ARSI: variants seen among roughly 807,000 people sequenced by gnomAD.
ARSI encodes the protein arylsulfatase I.
A neutral mutation model predicts 42.1 loss-of-function variants in ARSI; 37 were observed. The ratio of observed to expected loss-of-function variants is 0.88; its 90% CI spans 0.68 to 1.16. The LOEUF (loss-of-function observed/expected upper bound fraction) is 1.16. Among genes scored for constraint, ARSI ranks in the 50% most tolerant of loss-of-function variants. The pLI is 0.00. For synonymous variants in ARSI, 305 were observed against 320.3 expected (o/e 0.95, Z 0.51); for missense variants, 725 against 790.1 (o/e 0.92, Z 0.99).
chr5:150,297,567 C>T lies in ARSI; in HGVS notation c.1357G>A (p.Glu453Lys). 1 of 1,611,114 alleles carries T rather than the reference C, an allele frequency of 6.2e-7. No individual in the cohort carries two copies. The highest frequency in any genetic ancestry group is 8.5e-7 in the Non-Finnish European group (1 of 1,178,952). ...GCCTGGCGGACACTGGCCATTCGTT[C>T]CAGGTTCCACCAGCTACCCGGGAAG... The part of the protein sequence containing the change: ...ATFPGSWWNL[E>K]RMASVRQAVW... Residue 453 changes from glutamate to lysine, a missense_variant, in exon 2 of 2, where the codon GAA becomes AAA. By Grantham distance (56) the Glu-to-Lys change is moderately conservative. Transcript: ENST00000328668. The surrounding 1 kb of genome is among the most constrained non-coding windows in gnomAD (Gnocchi z 7.0).
rs777249696 is a variant in ARSI, at chr5:150,298,415, G to A, written c.509C>T (p.Ser170Leu). 19 of 1,614,112 alleles carry A rather than the reference G, an allele frequency of 1.2e-5. No homozygotes were observed. Among genetic ancestry groups the A allele is most frequent in the African/African-American group, 4.0e-5 (3 of 74,932 alleles). The change falls in exon 2 of 2, where the codon TCG becomes TTG. Residue 170 changes from serine to leucine, a missense_variant. Physicochemically the swap from Ser to Leu is moderately radical, Grantham distance 145. Transcript: ENST00000328668. The stretch of plus-strand genomic sequence containing the variant: ...GTAATAGTCCACATTGCCCGTGAGC[G>A]AGCCCAGGAAGGTGTCGAAGCCCCG... ...TRRGFDTFLG[S>L]LTGNVDYYTY...
rs1448431925 is a variant in ARSI at position 150,297,438 on chromosome 5, T to C, written c.1486A>G (p.Asn496Asp). 1.9e-6 allele frequency: 3 copies of C among 1,609,734 alleles called. No homozygotes were observed. Among genetic ancestry groups the C allele is most frequent in the East Asian group, 2.2e-5 (1 of 44,828 alleles). Reference sequence around the variant, plus strand: ...TAGCGTACCGGGATGGCTGTGCGGTTATATTCGGCCAGGCGAGCCAGCAGG... The same window carrying C: ...TAGCGTACCGGGATGGCTGTGCGGTCATATTCGGCCAGGCGAGCCAGCAGG... Reference protein sequence around the residue: ...RTLLARLAEYNRTAIPVRYPA... With the variant: ...RTLLARLAEYDRTAIPVRYPA... Residue 496 changes from asparagine (N) to aspartate (D), a missense_variant, in exon 2 of 2, where the codon AAC (asparagine) becomes GAC (aspartate). By Grantham distance (23) the Asn-to-Asp change is conservative. Transcript: ENST00000328668. This position sits in a 1 kb window ranked among gnomAD's most constrained non-coding sequence, Gnocchi z 7.0.
rs1169420344 is a variant in ARSI at position 150,302,522 on chromosome 5, G to C, written c.-149C>G. ...CGGTCCAGTGTCTGGTCCGGGACTG[G>C]CTGCCGGACGGCTGGGCCGGATCTG... is the stretch of plus-strand genomic sequence containing the variant. On this transcript the variant is annotated 5_prime_UTR_variant, in exon 1 of 2. Transcript: ENST00000328668. This position sits in a 1 kb window ranked among gnomAD's most constrained non-coding sequence, Gnocchi z 6.1. 4.9e-5 allele frequency: 27 copies of C among 550,668 alleles called. No homozygotes were observed. The highest frequency in any genetic ancestry group is 5.9e-5 in the Non-Finnish European group (21 of 358,836). 34.1% of individuals were successfully genotyped at this position (550,668 alleles called of 1,614,324 possible). A position where few individuals can be genotyped will look rare whatever the true frequency, so the allele number is the denominator to read the frequency against.
At position 150,296,358 on chromosome 5, in the gene ARSI, CT is replaced by C. The variant is rs1458749313; in HGVS notation, c.*855del. 1 of 152,394 alleles carries C rather than the reference CT, an allele frequency of 6.6e-6. No homozygotes were observed. The highest frequency in any genetic ancestry group is 1.5e-5 in the Non-Finnish European group (1 of 68,160). The allele number at this position is 152,394 out of a possible 1,614,324, so 9.4% of individuals were successfully genotyped here. A position where few individuals can be genotyped will look rare whatever the true frequency, so the allele number is the denominator to read the frequency against. On this transcript the variant is annotated 3_prime_UTR_variant, in exon 2 of 2. Transcript: ENST00000328668. ...CATCCCTCACTTCCATGTTACGACACTTTAATCAAGTTCACAAGCTCCTCCA... is the reference window on the plus strand; with the variant it reads ...CATCCCTCACTTCCATGTTACGACACTTAATCAAGTTCACAAGCTCCTCCA...
rs199940216 is a variant in ARSI, at chr5:150,297,698, C to G, written c.1226G>C (p.Gly409Ala). 2 of 1,613,420 alleles carry G rather than the reference C, an allele frequency of 1.2e-6. No homozygotes were observed. Among genetic ancestry groups the G allele is most frequent in the East Asian group, 4.5e-5 (2 of 44,882 alleles). Reference sequence around the variant, plus strand: ...AGCCTGCACGGCGGTGTTCCAGATGCCAAAGCCGCCCTCCAGGGAGCCATG... The same window carrying G: ...AGCCTGCACGGCGGTGTTCCAGATGGCAAAGCCGCCCTCCAGGGAGCCATG... Reference protein sequence around the residue: ...AQHGSLEGGFGIWNTAVQAAI... With the variant: ...AQHGSLEGGFAIWNTAVQAAI... The change falls in exon 2 of 2, where the codon GGC (glycine) becomes GCC (alanine). Residue 409 changes from glycine to alanine, a missense_variant. Physicochemically the swap from Gly to Ala is moderately conservative, Grantham distance 60. Transcript: ENST00000328668. This position sits in a 1 kb window ranked among gnomAD's most constrained non-coding sequence, Gnocchi z 7.0.
Position 150,297,904 on chromosome 5 carries a change from T to C in ARSI, c.1020A>G (p.Thr340=), listed in dbSNP as rs1181448938. Residue 340 remains threonine (T), a synonymous_variant, in exon 2 of 2, where the codon ACA becomes ACG. Transcript: ENST00000328668. This position sits in a 1 kb window ranked among gnomAD's most constrained non-coding sequence, Gnocchi z 7.0. ...HSPLLKRKQR[T]SRALMHITDW... ...CAGTGATGTGCATCAGTGCCCGGCT[T>C]GTCCGTTGCTTTCGCTTGAGCAGGG... 1 of 1,612,074 alleles carries C rather than the reference T, an allele frequency of 6.2e-7. No homozygotes were observed.
chr5:150,297,374 C>G lies in ARSI; in HGVS notation c.1550G>C (p.Gly517Ala), dbSNP rs1046301462. The change falls in exon 2 of 2, where the codon GGG (glycine) becomes GCG (alanine). Residue 517 changes from glycine (G) to alanine (A), a missense_variant. Transcript: ENST00000328668. This position sits in a 1 kb window ranked among gnomAD's most constrained non-coding sequence, Gnocchi z 7.0. ...ACTGGCCCAGGGCCCCCAAGCACCC[C>G]CATTAAAGTCAGGATGAGCCCGGGG... is the stretch of plus-strand genomic sequence containing the variant. Reference protein sequence around the residue: ...ENPRAHPDFNGGAWGPWASDE... With the variant: ...ENPRAHPDFNAGAWGPWASDE... 1.2e-6 allele frequency: 2 copies of G among 1,611,570 alleles called. No homozygotes were observed. The highest frequency in any genetic ancestry group is 8.5e-7 in the Non-Finnish European group (1 of 1,178,814).
At chr5:150,299,356 TCTTA>T (rs1489364326) in intron 1 of ARSI, among the ~76,000 whole-genome samples, 2 of 152,226 alleles carry the variant, frequency 1.3e-5, no homozygotes, top group Non-Finnish European at 2.9e-5. Context: ...ACCATCGTTT[TCTTA>T]CTTGGCCGTG....
chr5:150,299,578 C>G (rs929771769), intron 1 of ARSI, among the ~76,000 whole-genome samples: 2 of 151,538 alleles, frequency 1.3e-5, no homozygotes, highest in Non-Finnish European at 2.9e-5. Context: ...TTAAAAAGGA[C>G]CTAAGGTCTT....
Position 150,297,675 on chromosome 5 carries a change from C to T in ARSI, c.1249G>A (p.Ala417Thr). The T allele has an allele frequency of 6.2e-7, 1 of 1,613,456 alleles. No individual in the cohort carries two copies. Among genetic ancestry groups the T allele is most frequent in the Non-Finnish European group, 8.5e-7 (1 of 1,180,024 alleles). The part of the protein sequence containing the change: ...GFGIWNTAVQ[A>T]AIRVGEWKLL... ...TTCCACTCACCCACGCGGATGGCAGCCTGCACGGCGGTGTTCCAGATGCCA... is the reference window on the plus strand; with the variant it reads ...TTCCACTCACCCACGCGGATGGCAGTCTGCACGGCGGTGTTCCAGATGCCA... Residue 417 changes from alanine (A) to threonine (T), a missense_variant, in exon 2 of 2, where the codon GCT (alanine) becomes ACT (threonine). Ala to Thr is a moderately conservative substitution (Grantham distance 58, BLOSUM62 0). Coordinates refer to ENST00000328668, the MANE Select transcript of ARSI (RefSeq NM_001012301.4). This position sits in a 1 kb window ranked among gnomAD's most constrained non-coding sequence, Gnocchi z 7.0.
rs1204713965 is a variant in ARSI, at chr5:150,302,427, TCG to T, written c.-56_-55del. 7.5e-7 allele frequency: 1 copy of T among 1,331,808 alleles called. No homozygotes were observed. Among genetic ancestry groups the T allele is most frequent in the African/African-American group, 1.6e-5 (1 of 64,108 alleles). 82.5% of individuals were successfully genotyped at this position (1,331,808 alleles called of 1,614,324 possible). On this transcript the variant is annotated 5_prime_UTR_variant, in exon 1 of 2. Transcript: ENST00000328668. This position sits in a 1 kb window ranked among gnomAD's most constrained non-coding sequence, Gnocchi z 6.1. ...GCCGGGCTCCTGGGGCCTCACCACC[TCG>T]CGCGCCCAGGGCGCACCACCGGCCC...
intron 1 of ARSI, among the ~76,000 whole-genome samples, chr5:150,299,977 C>T (rs147237004): frequency 6.6e-6 from 1 of 152,262 alleles, no homozygotes; most frequent in African/African-American, 2.4e-5. Flanking sequence ...TGGTGTCTTG[C>T]CTTTACTCAA....
Position 150,302,215 on chromosome 5 carries a change from G to T in ARSI, c.159C>A (p.Leu53=). ...CGTCGTGGTAGCCTTGGTCGTCCGT[G>T]AGGATGAAGATGATGTGGGGAGGCT... is the stretch of plus-strand genomic sequence containing the variant. ...PPQPPHIIFI[L]TDDQGYHDVG... Residue 53 remains leucine (L), a synonymous_variant, in exon 1 of 2, where the codon CTC becomes CTA. Transcript: ENST00000328668. The surrounding 1 kb of genome is among the most constrained non-coding windows in gnomAD (Gnocchi z 6.1). The T allele has an allele frequency of 6.2e-7, 1 of 1,613,856 alleles. No homozygotes were observed. Among genetic ancestry groups the T allele is most frequent in the Non-Finnish European group, 8.5e-7 (1 of 1,179,998 alleles).
rs1757936237 is a variant in ARSI, at chr5:150,302,355, AG to A, written c.18del (p.Phe7SerfsTer123). The A allele has an allele frequency of 6.5e-7, 1 of 1,530,458 alleles. No individual in the cohort carries two copies. Among genetic ancestry groups the A allele is most frequent in the Non-Finnish European group, 8.8e-7 (1 of 1,141,296 alleles). The allele number at this position is 1,530,458 out of a possible 1,614,324, so 94.8% of individuals were successfully genotyped here. On this transcript the variant is annotated frameshift_variant, in exon 1 of 2. Transcript: ENST00000328668. LOFTEE classifies it high-confidence loss of function. This position sits in a 1 kb window ranked among gnomAD's most constrained non-coding sequence, Gnocchi z 6.1. The stretch of plus-strand genomic sequence containing the variant: ...AAGCTGAGCAGGCTGACCAGGGAGA[AG>A]CCAGTGAGGGTGTGCATCGCCAAGC... Reference protein sequence around the residue: MHTLTGFSLVSLLSFG... With the variant: MHTLTXFSLVSLLSFG...
chr5:150,302,281 C>T lies in ARSI; in HGVS notation c.93G>A (p.Gly31=). ...AGGGCTGCTCGCCAGCCTCCCCGGG[C>T]CCGTCGGCCACGAAGCTCGGCTTGG... The part of the protein sequence containing the change: ...DWAKPSFVAD[G]PGEAGEQPSA... Residue 31 remains glycine (G), a synonymous_variant, in exon 1 of 2, where the codon GGG becomes GGA. Transcript: ENST00000328668. This position sits in a 1 kb window ranked among gnomAD's most constrained non-coding sequence, Gnocchi z 6.1. The T allele has an allele frequency of 6.2e-7, 1 of 1,605,914 alleles. No individual in the cohort carries two copies. The highest frequency in any genetic ancestry group is 8.5e-7 in the Non-Finnish European group (1 of 1,177,216).
At chr5:150,301,372 A>C (rs1467670143) in intron 1 of ARSI, among the ~76,000 whole-genome samples, 5 of 152,136 alleles carry the variant, frequency 3.3e-5, no homozygotes. Flanking sequence ...TCGCCTGTGG[A>C]CATTTCCTTG....
At position 150,296,530 on chromosome 5, in the gene ARSI, G is replaced by C. The variant is rs1246682442; in HGVS notation, c.*684C>G. The C allele has an allele frequency of 6.6e-6, 1 of 152,266 alleles. No individual in the cohort carries two copies. The highest frequency in any genetic ancestry group is 6.5e-5 in the Admixed American group (1 of 15,286). The allele number at this position is 152,266 out of a possible 1,614,324, so 9.4% of individuals were successfully genotyped here. On this transcript the variant is annotated 3_prime_UTR_variant, in exon 2 of 2. Coordinates refer to ENST00000328668, the MANE Select transcript of ARSI (RefSeq NM_001012301.4). ...CCCAGGTGTCCTGGTACTGGTTTGG[G>C]GGCTCTTCACAGCTCTTTCTACCAC...
Position 150,302,205 on chromosome 5 carries a change from G to A in ARSI, c.169C>T (p.Gln57Ter). The A allele has an allele frequency of 6.2e-7, 1 of 1,613,956 alleles. No individual in the cohort carries two copies. The highest frequency in any genetic ancestry group is 8.5e-7 in the Non-Finnish European group (1 of 1,180,006). Residue 57 changes from glutamine to a stop codon, truncating the protein, a stop_gained, in exon 1 of 2, where the codon CAA (glutamine) becomes TAA (stop). Coordinates refer to ENST00000328668, the MANE Select transcript of ARSI (RefSeq NM_001012301.4). LOFTEE classifies it high-confidence loss of function. The surrounding 1 kb of genome is among the most constrained non-coding windows in gnomAD (Gnocchi z 6.1). ...PHIIFILTDDQGYHDVGYHGS... is the reference protein window; with the variant it reads ...PHIIFILTDD ...TGGTAGCCCACGTCGTGGTAGCCTT[G>A]GTCGTCCGTGAGGATGAAGATGATG...
Position 150,297,482 on chromosome 5 carries a change from C to CGCTG in ARSI, c.1438_1441dup (p.Arg481ProfsTer4). The CGCTG allele has an allele frequency of 6.2e-7, 1 of 1,613,646 alleles. No homozygotes were observed. The highest frequency in any genetic ancestry group is 1.3e-5 in the African/African-American group (1 of 75,048). The stretch of plus-strand genomic sequence containing the variant: ...CAGCAGGGTGCGGACCACATCAGGC[C>CGCTG]GCTGGCCAGCCAGGTCCTCCCGTTC... On this transcript the variant is annotated frameshift_variant, in exon 2 of 2. Transcript: ENST00000328668. LOFTEE classifies it high-confidence loss of function. The surrounding 1 kb of genome is among the most constrained non-coding windows in gnomAD (Gnocchi z 7.0).
Sources: gnomAD v4.1 joint callset for allele counts (sites outside exome capture counted in the v4.1 genomes callset) on GRCh38, gnomAD v4.1.1 for gene constraint, Gnocchi (gnomAD v3.1) non-coding constraint, MANE v1.5 for transcripts, NCBI Gene and HGNC (gene_info 2026-07-23, HGNC 2026-07-21) for gene names.